ZNF800: variants seen among roughly 807,000 people sequenced by gnomAD.
ZNF800 encodes zinc finger protein 800.
A neutral mutation model predicts 59.5 loss-of-function variants in ZNF800; 13 were observed. The observed-to-expected ratio is 0.22, with a 90% CI of 0.14 to 0.35. The LOEUF is 0.35. Among genes scored for constraint, ZNF800 ranks in the 10% least tolerant of loss-of-function variants. The pLI is 1.00. For missense variants in ZNF800, 621 were observed against 783.7 expected (o/e 0.79, Z 2.48); for synonymous variants, 266 against 265.7 (o/e 1.00, Z -0.01).
At chr7:127,369,315 T>C (rs1800579286), downstream of ZNF800, among the ~76,000 whole-genome samples, 1 of 152,084 alleles carries the variant, frequency 6.6e-6, no homozygotes, top group South Asian at 2.1e-4. Context: ...AAATAAGCAG[T>C]TTCTGATGGC....
chr7:127,364,052 C>T (rs1800450394), intron 1 of ZNF800: 1 of 152,050 alleles, frequency 6.6e-6, no homozygotes, highest in Non-Finnish European at 1.5e-5. Flanking sequence ...TAATATATTA[C>T]AGAAGTTCAT....
downstream of ZNF800, among the ~76,000 whole-genome samples, chr7:127,369,684 G>A (rs1800586406): frequency 6.6e-6 from 1 of 151,994 alleles, no homozygotes; most frequent in Non-Finnish European, 1.5e-5. Context: ...TGACCCAGAT[G>A]AAATCTTTTG....
chr7:127,347,895 G>C (rs1800097818), exon 2 of ZNF800: 1 of 150,228 alleles, frequency 6.7e-6, no homozygotes, highest in South Asian at 2.1e-4. Flanking sequence ...CGGGCAGCGT[G>C]CTGGAGCTCT....
chr7:127,373,335 TC>T lies in ZNF800; in HGVS notation c.1994+6del. 6.4e-7 allele frequency: 1 copy of T among 1,568,738 alleles called. No homozygotes were observed. The highest frequency in any genetic ancestry group is 8.6e-7 in the Non-Finnish European group (1 of 1,159,976). ...AAAAAAGCAAAACTCTGTTAACTGT[TC>T]CTCACCAGACAAGAGCCTTAGATCT... On this transcript the variant is annotated splice_donor_region_variant and intron_variant, in intron 5 of 5. Coordinates refer to ENST00000265827, the MANE Select transcript of ZNF800 (RefSeq NM_176814.5).
At chr7:127,352,381 T>C (rs1800183395) in intron 1 of ZNF800, among the ~76,000 whole-genome samples, 1 of 148,458 alleles carries the variant, frequency 6.7e-6, no homozygotes, top group Non-Finnish European at 1.5e-5. Flanking sequence ...AAGTCTATAA[T>C]ACCTCTGTAA....
At chr7:127,352,775 C>A (rs1800190920) in intron 1 of ZNF800, among the ~76,000 whole-genome samples, 1 of 152,116 alleles carries the variant, frequency 6.6e-6, no homozygotes, top group African/African-American at 2.4e-5. Context: ...CTGGATGAAC[C>A]AATAATCAGG....
rs1014666670 is a variant in ZNF800, at chr7:127,374,536, C to T, written c.800G>A (p.Arg267Gln). 6 of 1,614,070 alleles carry T rather than the reference C, an allele frequency of 3.7e-6. No individual in the cohort carries two copies. The highest frequency in any genetic ancestry group is 1.7e-5 in the Admixed American group (1 of 60,000). Residue 267 changes from arginine to glutamine, a missense_variant, in exon 5 of 6, where the codon CGA (arginine) becomes CAA (glutamine). By Grantham distance (43) the Arg-to-Gln change is conservative. Around this residue, in one of 7 missense-constraint regions of ZNF800, gnomAD observed 218 missense variants for 230.8 expected, o/e 0.94. Transcript: ENST00000265827. ...MEELKKYIET[R>Q]KNPNQSSKGR... is the part of the protein sequence containing the mutation. ...TTTAGAGGATTGGTTTGGATTCTTT[C>T]GTGTTTCAATGTACTTTTTTAGTTC...
chr7:127,359,473 TAAGTA>T (rs148096629), intron 1 of ZNF800, among the ~76,000 whole-genome samples: 93,719 of 151,324 alleles, frequency 0.62, 29,406 homozygotes, highest in East Asian at 0.86. Context: ...AAAATATTTT[TAAGTA>T]AAGAAATTAA....
downstream of ZNF800, among the ~76,000 whole-genome samples, chr7:127,366,612 T>C (rs527361468): frequency 1.3e-5 from 2 of 152,154 alleles, no homozygotes; most frequent in African/African-American, 2.4e-5. Flanking sequence ...ACAGTCAAGA[T>C]CACAACTTGC....
At chr7:127,376,616 A>C (rs994016433) in intron 4 of ZNF800, among the ~76,000 whole-genome samples, 3 of 151,902 alleles carry the variant, frequency 2.0e-5, no homozygotes, top group Non-Finnish European at 2.9e-5. Flanking sequence ...TTTCTGAGAA[A>C]ATGACTTATC....
intron 2 of ZNF800, among the ~76,000 whole-genome samples, chr7:127,388,719 T>C (rs1421576387): frequency 6.6e-6 from 1 of 152,192 alleles, no homozygotes; most frequent in African/African-American, 2.4e-5. Context: ...AGAACACTGC[T>C]ACCACCAGAA....
At chr7:127,366,345 T>C (rs1800506853), downstream of ZNF800, among the ~76,000 whole-genome samples, 1 of 152,132 alleles carries the variant, frequency 6.6e-6, no homozygotes, top group Non-Finnish European at 1.5e-5. Flanking sequence ...GAGGATTCAC[T>C]AAATCACCAA....
At chr7:127,353,542 A>C (rs1800210828) in intron 1 of ZNF800, among the ~76,000 whole-genome samples, 1 of 152,164 alleles carries the variant, frequency 6.6e-6, no homozygotes. Flanking sequence ...CTTTTTTTCC[A>C]ATCAACAATG....
At chr7:127,379,080 C>T (rs1461844602) in intron 3 of ZNF800, among the ~76,000 whole-genome samples, 1 of 152,110 alleles carries the variant, frequency 6.6e-6, no homozygotes, top group Non-Finnish European at 1.5e-5. Context: ...GTCCTTATTA[C>T]CACAAAATCA....
At chr7:127,386,006 G>A (rs1801130010) in intron 3 of ZNF800, 54 bp downstream of exon 3, 9 of 1,160,604 alleles carry the variant, frequency 7.8e-6, no homozygotes, top group Non-Finnish European at 1.1e-5. Flanking sequence ...GGACTTCTAG[G>A]TAGTTTTTAA....
intron 3 of ZNF800, among the ~76,000 whole-genome samples, chr7:127,384,406 T>C (rs1398212805): frequency 1.3e-5 from 2 of 151,680 alleles, no homozygotes; most frequent in Non-Finnish European, 2.9e-5. Flanking sequence ...AGCTAATTTT[T>C]TGTATTTTTA....
chr7:127,376,218 G>A (rs932585846), intron 4 of ZNF800, among the ~76,000 whole-genome samples: 22 of 151,758 alleles, frequency 1.4e-4, no homozygotes, highest in Non-Finnish European at 2.8e-4. Flanking sequence ...ATAACTTTAA[G>A]CCAGCTTCAT....
intron 1 of ZNF800, among the ~76,000 whole-genome samples, chr7:127,359,487 AAAGTT>A (rs1280437876): frequency 1.3e-5 from 2 of 152,106 alleles, no homozygotes; most frequent in Non-Finnish European, 2.9e-5. Context: ...TAAAGAAATT[AAAGTT>A]ATTTTTAAAA....
intron 1 of ZNF800, among the ~76,000 whole-genome samples, chr7:127,359,292 T>C (rs1024034399): frequency 1.3e-5 from 2 of 152,084 alleles, no homozygotes; most frequent in Non-Finnish European, 2.9e-5. Flanking sequence ...TCTCCTGTCA[T>C]GTATCATAGC....
Sources: allele counts gnomAD v4.1 joint callset (sites outside exome capture counted in the v4.1 genomes callset), GRCh38; gene constraint gnomAD v4.1.1; regional missense constraint gnomAD v4.1.1; transcripts MANE v1.5; gene names NCBI Gene and HGNC (gene_info 2026-07-23, HGNC 2026-07-21).